Variants in SIM1 observed in about 807,000 individuals in gnomAD.
SIM1 encodes the protein SIM bHLH transcription factor 1, also known as single-minded homolog 1.
A neutral mutation model predicts 78.2 loss-of-function variants in SIM1; 18 were observed. The ratio of observed to expected loss-of-function variants is 0.23; its 90% CI spans 0.16 to 0.34. The LOEUF is 0.34. SIM1 is among the 10% of genes least tolerant of loss of function. SIM1 has a pLI of 1.00. For synonymous variants in SIM1, 417 were observed against 385.2 expected (o/e 1.08, Z -0.97); for missense variants, 939 against 975.1 (o/e 0.96, Z 0.49).
At chr6:100,416,491 T>C (rs969313168) in intron 10 of SIM1, among the ~76,000 whole-genome samples, 2 of 152,198 alleles carry the variant, frequency 1.3e-5, no homozygotes, top group Admixed American at 1.3e-4. Flanking sequence ...AGTCCAATTT[T>C]GCTTTTGCTC....
intron 9 of SIM1, among the ~76,000 whole-genome samples, chr6:100,438,816 T>C (rs1411631851): frequency 2.0e-5 from 3 of 152,200 alleles, no homozygotes; most frequent in African/African-American, 7.2e-5. Flanking sequence ...TGCAGCAACT[T>C]GGTTGGAACT....
intron 9 of SIM1, among the ~76,000 whole-genome samples, chr6:100,441,668 T>G (rs1772220611): frequency 6.6e-6 from 1 of 152,226 alleles, no homozygotes; most frequent in Non-Finnish European, 1.5e-5. Flanking sequence ...GGCTACATTT[T>G]CTTCTTACAA....
Position 100,393,600 on chromosome 6 carries a change from C to T in SIM1, c.1457G>A (p.Arg486Lys). 1 of 1,614,084 alleles carries T rather than the reference C, an allele frequency of 6.2e-7. No homozygotes were observed. The highest frequency in any genetic ancestry group is 1.1e-5 in the South Asian group (1 of 91,072). ...TGCGCGAGAGCCCCACCAGGGCTCCCTCCCGGCCTGCGGCGTTCCCAGGAA... is the reference window on the plus strand; with the variant it reads ...TGCGCGAGAGCCCCACCAGGGCTCCTTCCCGGCCTGCGGCGTTCCCAGGAA... Reference protein sequence around the residue: ...RYFLGTPQAGREPWWGSRAAL... With the variant: ...RYFLGTPQAGKEPWWGSRAAL... Residue 486 changes from arginine (R) to lysine (K), a missense_variant, in exon 11 of 12, where the codon AGG becomes AAG. This residue lies in a region of SIM1 where 556 missense variants were observed against 521.9 expected (regional missense o/e 1.07). Coordinates refer to ENST00000369208, the MANE Select transcript of SIM1 (RefSeq NM_005068.3).
rs1582327391 is a variant in SIM1, at chr6:100,458,018, CTCTCTCTCTCTCTCTCTCT to C, written c.176-4193_176-4175del. Among the ~76,000 whole-genome samples, 181 of 87,626 alleles carry C rather than the reference CTCTCTCTCTCTCTCTCTCT, an allele frequency of 2.1e-3. 5 individuals are homozygous for C. The highest frequency in any genetic ancestry group is 5.8e-3 in the Middle Eastern group (1 of 172). The allele number at this position is 87,626 out of a possible 152,430, so 57.5% of individuals were successfully genotyped here. A position where few individuals can be genotyped will look rare whatever the true frequency, so the allele number is the denominator to read the frequency against. ...TCTGTCTCTCTCTTTCTCTCTCTCT[CTCTCTCTCTCTCTCTCTCT>C]CTCTCTCTCTCTCTCTCTCTCTCTC... On this transcript the variant is annotated intron_variant, in intron 2 of 11. Coordinates refer to ENST00000369208, the MANE Select transcript of SIM1 (RefSeq NM_005068.3).
chr6:100,449,786 C>G, intron 4 of SIM1, 87 bp from the exon 5 acceptor site: 1 of 1,095,718 alleles, frequency 9.1e-7, no homozygotes, highest in Non-Finnish European at 1.4e-6. Context: ...TCTGCAGGAC[C>G]ATGAGGACAG....
chr6:100,454,633 T>C (rs1401476186), intron 2 of SIM1, among the ~76,000 whole-genome samples: 4 of 152,198 alleles, frequency 2.6e-5, no homozygotes, highest in East Asian at 3.8e-4. Context: ...ACTTTTCTAC[T>C]TTCCAGGTAC....
intron 9 of SIM1, among the ~76,000 whole-genome samples, chr6:100,441,760 A>C (rs1211915801): frequency 3.3e-5 from 5 of 152,206 alleles, no homozygotes; most frequent in Non-Finnish European, 7.3e-5. Context: ...AGAACAGCTA[A>C]ATTTTAGCTA....
Position 100,447,449 on chromosome 6 carries a change from C to A in SIM1, c.851-34G>T, listed in dbSNP as rs761136133. Reference sequence around the variant, plus strand: ...GAGACAGGAGGCAGATGGTGGTGAACCAGCCTGCCTGGGACTGGCCCCAAA... The same window carrying A: ...GAGACAGGAGGCAGATGGTGGTGAAACAGCCTGCCTGGGACTGGCCCCAAA... On this transcript the variant is annotated intron_variant, in intron 8 of 11. Coordinates refer to ENST00000369208, the MANE Select transcript of SIM1 (RefSeq NM_005068.3). The A allele has an allele frequency of 2.5e-6, 4 of 1,613,560 alleles. No homozygotes were observed. In the Admixed American group the frequency reaches 6.7e-5, roughly 27 times the overall value.
intron 10 of SIM1, among the ~76,000 whole-genome samples, chr6:100,400,924 T>C (rs2114474349): frequency 6.6e-6 from 1 of 152,000 alleles, no homozygotes; most frequent in South Asian, 2.1e-4. Flanking sequence ...TGTTGAGAAA[T>C]AGGCTATTTT....
chr6:100,401,343 T>C (rs1770910311), intron 10 of SIM1, among the ~76,000 whole-genome samples: 1 of 152,112 alleles, frequency 6.6e-6, no homozygotes, highest in Non-Finnish European at 1.5e-5. Flanking sequence ...GACTAAGTCT[T>C]GTACTAGAGA....
At chr6:100,391,984 C>T (rs2114460165) in intron 11 of SIM1, among the ~76,000 whole-genome samples, 1 of 152,164 alleles carries the variant, frequency 6.6e-6, no homozygotes, top group African/African-American at 2.4e-5. Context: ...ACCAGCCTGG[C>T]CAACATTGTG....
intron 2 of SIM1, 118 bp downstream of exon 2, chr6:100,463,176 T>G: frequency 1.1e-6 from 1 of 949,920 alleles, no homozygotes; most frequent in South Asian, 2.0e-5. Context: ...TAAACTTCCC[T>G]TTGCAAAATA....
intron 9 of SIM1, chr6:100,427,096 G>A (rs964395549): frequency 6.6e-6 from 1 of 152,224 alleles, no homozygotes; most frequent in Non-Finnish European, 1.5e-5. Context: ...CGAAGTGTAT[G>A]ACCTTCTTTA....
At chr6:100,417,331 G>T (rs972024645) in intron 10 of SIM1, among the ~76,000 whole-genome samples, 1 of 152,124 alleles carries the variant, frequency 6.6e-6, no homozygotes. Context: ...TATAATTTAT[G>T]ACTTCATCTG....
At chr6:100,448,277 T>A (rs745981643) in intron 7 of SIM1, 25 bp from the exon 8 acceptor site, 1 of 1,573,982 alleles carries the variant, frequency 6.4e-7, no homozygotes. Context: ...CCCTGCAGGA[T>A]GAATGCAGGC....
At chr6:100,418,564 G>T (rs1455446280) in intron 10 of SIM1, among the ~76,000 whole-genome samples, 1 of 152,060 alleles carries the variant, frequency 6.6e-6, no homozygotes, top group Non-Finnish European at 1.5e-5. Flanking sequence ...TGAACTAATA[G>T]AAATGTTAGA....
chr6:100,453,405 G>A (rs1157897834), intron 3 of SIM1, among the ~76,000 whole-genome samples: 1 of 152,142 alleles, frequency 6.6e-6, no homozygotes, highest in Non-Finnish European at 1.5e-5. Flanking sequence ...GGATGGTTCT[G>A]TGGCCTTGCC....
chr6:100,448,406 A>G (rs1262220452), intron 7 of SIM1, 73 bp downstream of exon 7: 2 of 1,506,588 alleles, frequency 1.3e-6, no homozygotes, highest in Non-Finnish European at 1.8e-6. Flanking sequence ...CATAGGATAG[A>G]CGGAAATCTC....
intron 9 of SIM1, among the ~76,000 whole-genome samples, chr6:100,429,992 T>A (rs1463322729): frequency 6.6e-6 from 1 of 152,204 alleles, no homozygotes; most frequent in African/African-American, 2.4e-5. Context: ...TATAGAATGA[T>A]CTGTCTCTGA....
Sources: allele counts gnomAD v4.1 joint callset (sites outside exome capture counted in the v4.1 genomes callset), GRCh38; gene constraint gnomAD v4.1.1; regional missense constraint gnomAD v4.1.1; transcripts MANE v1.5; gene names NCBI Gene and HGNC (gene_info 2026-07-23, HGNC 2026-07-21).